Variants in CEP164 observed in about 807,000 individuals in gnomAD.
The protein encoded by CEP164 is centrosomal protein 164, also known as centrosomal protein of 164 kDa.
CEP164 carries 162 observed loss-of-function variants against 182.7 expected under a neutral mutation model. The ratio of observed to expected loss-of-function variants is 0.89; its 90% CI spans 0.78 to 1.01. The LOEUF (loss-of-function observed/expected upper bound fraction) is 1.01. Ranked by LOEUF, CEP164 falls within the 50% of genes least tolerant of loss-of-function variation. CEP164 has a pLI of 0.00. For synonymous variants in CEP164, 661 were observed against 690.0 expected (o/e 0.96, Z 0.66); for missense variants, 1,735 against 1,790.4 (o/e 0.97, Z 0.56).
At position 117,382,907 on chromosome 11, in the gene CEP164, G is replaced by T; in HGVS notation, c.1689G>T (p.Val563=). 1 of 1,613,292 alleles carries T rather than the reference G, an allele frequency of 6.2e-7. No individual in the cohort carries two copies. Among genetic ancestry groups the T allele is most frequent in the Non-Finnish European group, 8.5e-7 (1 of 1,179,806 alleles). The change falls in exon 14 of 33, where the codon GTG becomes GTT. Residue 563 remains valine, a synonymous_variant. Transcript: ENST00000278935. Reference sequence around the variant, plus strand: ...AGGCAGAGGATCCTGAGGAGAAGGTGGCGGTCAGCCCCACCCCGCCAGTCT... The same window carrying T: ...AGGCAGAGGATCCTGAGGAGAAGGTTGCGGTCAGCCCCACCCCGCCAGTCT... ...QEEAEDPEEK[V]AVSPTPPVSP...
chr11:117,334,161 TTTA>T (rs1565403511), intron 1 of CEP164, among the ~76,000 whole-genome samples: 1 of 152,168 alleles, frequency 6.6e-6, no homozygotes, highest in Non-Finnish European at 1.5e-5. Context: ...TGAATCTGTT[TTTA>T]ATCACGATTG....
chr11:117,356,753 T>G, intron 5 of CEP164: 1 of 881,578 alleles, frequency 1.1e-6, no homozygotes, highest in South Asian at 2.2e-5. Flanking sequence ...GCCCTTTAAC[T>G]ACCCAAATGG....
intron 5 of CEP164, among the ~76,000 whole-genome samples, chr11:117,353,595 G>A (rs1241250778): frequency 6.6e-6 from 1 of 152,174 alleles, no homozygotes; most frequent in Admixed American, 6.6e-5. Flanking sequence ...GTTAAAAAGA[G>A]TTCCCTCCGT....
At chr11:117,398,325 C>T (rs1592417247) in intron 27 of CEP164, among the ~76,000 whole-genome samples, 1 of 152,338 alleles carries the variant, frequency 6.6e-6, no homozygotes, top group East Asian at 1.9e-4. Context: ...AAACCCTTCC[C>T]AGCTGCCTTC....
chr11:117,344,172 T>C lies in CEP164; in HGVS notation c.89T>C (p.Leu30Pro). Residue 30 changes from leucine (L) to proline (P), a missense_variant, in exon 4 of 33, where the codon CTT (leucine) becomes CCT (proline). By Grantham distance (98) the Leu-to-Pro change is moderately conservative. Transcript: ENST00000278935. ...ETYIPSEQEI[L>P]EFAREIGIDP... Reference sequence around the variant, plus strand: ...CCTCTGCCTCTCCTTGCAGAAATTCTTGAATTTGCCCGGGAGATTGGTATT... The same window carrying C: ...CCTCTGCCTCTCCTTGCAGAAATTCCTGAATTTGCCCGGGAGATTGGTATT... 1 of 1,609,774 alleles carries C rather than the reference T, an allele frequency of 6.2e-7. No homozygotes were observed. The highest frequency in any genetic ancestry group is 1.1e-5 in the South Asian group (1 of 90,280).
chr11:117,373,891 G>A, intron 10 of CEP164, 60 bp downstream of exon 10: 1 of 1,466,740 alleles, frequency 6.8e-7, no homozygotes. Flanking sequence ...TGAGCCTCCA[G>A]GGTTAAGTAA....
chr11:117,355,821 A>AT lies in CEP164; in HGVS notation c.393+3834dup, dbSNP rs1175678367. 10 of 1,085,674 alleles carry AT rather than the reference A, an allele frequency of 9.2e-6. No homozygotes were observed. In the Admixed American group the frequency reaches 4.4e-4, roughly 48 times the overall value. 67.3% of individuals were successfully genotyped at this position (1,085,674 alleles called of 1,614,324 possible). On this transcript the variant is annotated intron_variant, in intron 5 of 32. Transcript: ENST00000278935. Reference sequence around the variant, plus strand: ...GAGGCTCTAGGGGCCTCAGCTGAAGATCTACCTCAGGGTCTCTTGCTAATA... The same window carrying AT: ...GAGGCTCTAGGGGCCTCAGCTGAAGATTCTACCTCAGGGTCTCTTGCTAATA...
At chr11:117,356,833 T>C (rs2040354930) in intron 5 of CEP164, among the ~76,000 whole-genome samples, 1 of 152,222 alleles carries the variant, frequency 6.6e-6, no homozygotes, top group African/African-American at 2.4e-5. Context: ...GCTGAGGGTA[T>C]CTCTGATTTC....
chr11:117,368,012 T>C (rs1420887624), intron 8 of CEP164, among the ~76,000 whole-genome samples: 2 of 152,240 alleles, frequency 1.3e-5, no homozygotes, highest in Non-Finnish European at 2.9e-5. Context: ...AAGCCTCAGC[T>C]CCGATCTTTT....
chr11:117,371,567 G>A (rs1174846362), intron 9 of CEP164, 101 bp downstream of exon 9: 11 of 1,425,612 alleles, frequency 7.7e-6, no homozygotes, highest in Non-Finnish European at 9.4e-6. Context: ...TACTGAGTCA[G>A]GAGCTTCATT....
chr11:117,323,186 C>T (rs765132593), upstream of CEP164, among the ~76,000 whole-genome samples: 1 of 152,172 alleles, frequency 6.6e-6, no homozygotes, highest in Non-Finnish European at 1.5e-5. Flanking sequence ...CAGGTATGAG[C>T]CACCGTGCCC....
intron 8 of CEP164, among the ~76,000 whole-genome samples, chr11:117,370,210 C>T (rs1003194455): frequency 6.6e-6 from 1 of 151,734 alleles, no homozygotes; most frequent in East Asian, 1.9e-4. Context: ...CAGAGGGACC[C>T]AAGTCGGCAG....
intron 6 of CEP164, 143 bp from the exon 7 acceptor site, chr11:117,362,261 A>G: frequency 1.1e-6 from 1 of 901,620 alleles, no homozygotes; most frequent in Non-Finnish European, 1.7e-6. Context: ...CATTGATGTG[A>G]GCTGCAGTCG....
At position 117,361,173 on chromosome 11, in the gene CEP164, G is replaced by T. The variant is rs182316373; in HGVS notation, c.394-662G>T. On this transcript the variant is annotated intron_variant, in intron 5 of 32. Coordinates refer to ENST00000278935, the MANE Select transcript of CEP164 (RefSeq NM_014956.5). ...TGGTCTTGAACTCCTGATCTCAGGT[G>T]ATCCACTCACCTCAGCCTCCCAAAG... 6.4e-3 allele frequency among the ~76,000 whole-genome samples: 924 copies of T among 143,516 alleles called. 7 individuals carry two copies. Among genetic ancestry groups the T allele is most frequent in the Non-Finnish European group, 0.01 (671 of 66,418 alleles). The allele number at this position is 143,516 out of a possible 152,430, so 94.2% of individuals were successfully genotyped here. A position where few individuals can be genotyped will look rare whatever the true frequency, so the allele number is the denominator to read the frequency against.
intron 5 of CEP164, among the ~76,000 whole-genome samples, chr11:117,357,217 G>A (rs371800479): frequency 6.0e-5 from 9 of 149,830 alleles, no homozygotes; most frequent in Non-Finnish European, 7.4e-5. Context: ...AGTGATTTTC[G>A]TGCCTCAGCC....
rs546600143 is a variant in CEP164 at position 117,339,948 on chromosome 11, C to T, written c.82+1280C>T. On this transcript the variant is annotated intron_variant, in intron 3 of 32. Coordinates refer to ENST00000278935, the MANE Select transcript of CEP164 (RefSeq NM_014956.5). ...ATTAACTTCCTGTGGATATACAGTT[C>T]TATTCTAAGTGGTGTTGCTAGAATC... 3.3e-5 allele frequency among the ~76,000 whole-genome samples: 5 copies of T among 152,250 alleles called. No individual in the cohort carries two copies. In the South Asian group the frequency reaches 6.2e-4, roughly 19 times the overall value.
At chr11:117,341,423 C>T (rs935665853) in intron 3 of CEP164, among the ~76,000 whole-genome samples, 1 of 151,594 alleles carries the variant, frequency 6.6e-6, no homozygotes, top group South Asian at 2.1e-4. Context: ...TTCTACCAGT[C>T]ACATTGGCCT....
chr11:117,365,728 C>T (rs947299303), intron 8 of CEP164, among the ~76,000 whole-genome samples: 7 of 151,944 alleles, frequency 4.6e-5, no homozygotes, highest in African/African-American at 9.7e-5. Context: ...TACAGGCGCC[C>T]GCCACCATGC....
At chr11:117,344,477 TGG>T in intron 4 of CEP164, among the ~76,000 whole-genome samples, 200 bp downstream of exon 4, 1 of 152,304 alleles carries the variant, frequency 6.6e-6, no homozygotes, top group South Asian at 2.1e-4. Context: ...GTCCCTAGGA[TGG>T]GGTTCAATGC....
Sources: gnomAD v4.1 joint callset for allele counts (sites outside exome capture counted in the v4.1 genomes callset) on GRCh38, gnomAD v4.1.1 for gene constraint, MANE v1.5 for transcripts, NCBI Gene and HGNC (gene_info 2026-07-23, HGNC 2026-07-21) for gene names.